ZNF678: variants seen among roughly 807,000 people sequenced by gnomAD.
The protein encoded by ZNF678 is hypothetical protein MGC42493.
Under a neutral mutation model 3.0 loss-of-function variants are expected in ZNF678, and 5 were observed. The ratio of observed to expected loss-of-function variants is 1.69; its 90% confidence interval spans 0.88 to 3.56. The LOEUF (loss-of-function observed/expected upper bound fraction) is 3.56, where lower values mean the gene tolerates loss of function less well. Ranked by LOEUF, ZNF678 falls within the 30% of genes most tolerant of loss-of-function variation. The pLI, the probability that ZNF678 is intolerant of heterozygous loss-of-function variation, is 0.00. For missense variants in ZNF678, 593 were observed against 605.0 expected, an observed-to-expected ratio of 0.98 and a Z score of 0.21; for synonymous variants, 218 against 199.6, an observed-to-expected ratio of 1.09 and a Z score of -0.78.
At chr1:227,630,896 G>C (rs1338396329) in intron 1 of ZNF678, among the ~76,000 whole-genome samples, 1 of 152,104 alleles carries the variant, frequency 6.6e-6, no homozygotes, top group East Asian at 1.9e-4. Context: ...TTAATGAAAA[G>C]AAAGTTTGAA....
chr1:227,594,515 A>G (rs1267332723), intron 1 of ZNF678, among the ~76,000 whole-genome samples: 24 of 152,244 alleles, frequency 1.6e-4, no homozygotes, highest in Admixed American at 1.6e-3. Flanking sequence ...GTGTTTACAC[A>G]CAGAATTTTC....
At chr1:227,590,023 T>C (rs1458254642) in intron 1 of ZNF678, among the ~76,000 whole-genome samples, 1 of 151,888 alleles carries the variant, frequency 6.6e-6, no homozygotes, top group Non-Finnish European at 1.5e-5. Context: ...GTAATACACT[T>C]CTGCTGAAGC....
At chr1:227,572,692 G>A (rs150770124) in intron 1 of ZNF678, among the ~76,000 whole-genome samples, 35 of 152,262 alleles carry the variant, frequency 2.3e-4, no homozygotes, top group Non-Finnish European at 4.6e-4. Flanking sequence ...GGCCTTTCCG[G>A]AGCCCCAAGT....
chr1:227,564,936 A>C (rs1253972122), intron 1 of ZNF678, among the ~76,000 whole-genome samples: 1 of 150,418 alleles, frequency 6.6e-6, no homozygotes, highest in African/African-American at 2.5e-5. Flanking sequence ...TAGTTTCACC[A>C]TGTTGGTCAG....
intron 1 of ZNF678, among the ~76,000 whole-genome samples, chr1:227,626,689 C>A (rs2132367): frequency 0.47 from 70,779 of 151,754 alleles, 17,347 homozygotes; most frequent in African/African-American, 0.62. Context: ...GCAAACCATG[C>A]GAGGTGGGTT....
chr1:227,579,243 G>A (rs1310867722), intron 1 of ZNF678, among the ~76,000 whole-genome samples: 4 of 152,108 alleles, frequency 2.6e-5, no homozygotes, highest in African/African-American at 9.7e-5. Context: ...AGTGGTGGGA[G>A]TCCCTGTTGC....
At chr1:227,667,366 C>T (rs530366562), downstream of ZNF678, among the ~76,000 whole-genome samples, 1 of 152,190 alleles carries the variant, frequency 6.6e-6, no homozygotes, top group Admixed American at 6.5e-5. Flanking sequence ...AAGGTCTACT[C>T]TATATCTCAG....
chr1:227,565,881 C>T (rs924536224), intron 1 of ZNF678, among the ~76,000 whole-genome samples: 5 of 152,196 alleles, frequency 3.3e-5, no homozygotes, highest in Non-Finnish European at 7.3e-5. Context: ...CTCAGCCTCC[C>T]GAGTAGCTGG....
intron 1 of ZNF678, among the ~76,000 whole-genome samples, chr1:227,644,443 A>C (rs1342228884): frequency 6.6e-6 from 1 of 152,214 alleles, no homozygotes; most frequent in Non-Finnish European, 1.5e-5. Context: ...TAAACTTTAA[A>C]GGGCTAGCAG....
chr1:227,622,781 C>T (rs1040563187), intron 1 of ZNF678, among the ~76,000 whole-genome samples: 1 of 152,202 alleles, frequency 6.6e-6, no homozygotes, highest in Non-Finnish European at 1.5e-5. Flanking sequence ...GTTTCCCTGG[C>T]AACCAGCCCC....
Position 227,594,845 on chromosome 1 carries a change from C to T in ZNF678, c.-164+31121C>T, listed in dbSNP as rs559629798. ...TACTCTTTTTACATAAATTCCGCCC[C>T]CCCCTTTTTTCCTTAGGTTACTTCT... On this transcript the variant is annotated intron_variant, in intron 1 of 3. Transcript: ENST00000343776. 1.3e-4 allele frequency among the ~76,000 whole-genome samples: 20 copies of T among 152,266 alleles called. No individual in the cohort carries two copies. The South Asian group carries it at 4.1e-3, about 32-fold the overall frequency.
At chr1:227,629,317 A>C (rs919110556) in intron 1 of ZNF678, among the ~76,000 whole-genome samples, 40 of 152,234 alleles carry the variant, frequency 2.6e-4, no homozygotes, top group African/African-American at 9.6e-4. Flanking sequence ...TCCTTCCTCA[A>C]GTAGGGGACA....
chr1:227,615,593 A>G (rs1658123771), intron 1 of ZNF678, among the ~76,000 whole-genome samples: 1 of 151,772 alleles, frequency 6.6e-6, no homozygotes, highest in Admixed American at 6.6e-5. Context: ...AAGTCCATTT[A>G]ACTCATTTTA....
At chr1:227,607,110 A>G (rs1296638823) in intron 1 of ZNF678, among the ~76,000 whole-genome samples, 1 of 152,210 alleles carries the variant, frequency 6.6e-6, no homozygotes, top group Non-Finnish European at 1.5e-5. Flanking sequence ...TACTCTATAC[A>G]TGATGATTTT....
In ZNF678 at chr1:227,573,117, G is replaced by A. The variant is rs180887738; in HGVS notation, c.-164+9393G>A. Among the ~76,000 whole-genome samples the A allele has an allele frequency of 4.6e-3, 699 of 151,906 alleles. 19 individuals carry two copies. In the South Asian group the frequency reaches 0.058, roughly 13 times the overall value. On this transcript the variant is annotated intron_variant, in intron 1 of 3. Transcript: ENST00000343776. ...ACTACCCAGGTGCGGTGACAAGAAG[G>A]CAATCAGGGAGTGGAAACAGTCCAA...
intron 1 of ZNF678, among the ~76,000 whole-genome samples, chr1:227,578,110 T>C (rs1657032615): frequency 6.6e-6 from 1 of 152,248 alleles, no homozygotes; most frequent in African/African-American, 2.4e-5. Flanking sequence ...GGTCCACTTT[T>C]AGTCTGATGG....
At chr1:227,639,013 C>T (rs976433125) in intron 1 of ZNF678, among the ~76,000 whole-genome samples, 3 of 152,176 alleles carry the variant, frequency 2.0e-5, no homozygotes, top group African/African-American at 4.8e-5. Flanking sequence ...CTTTCCAGGG[C>T]ACCGTCAGTC....
chr1:227,566,737 A>G (rs1656696782), intron 1 of ZNF678, among the ~76,000 whole-genome samples: 1 of 152,244 alleles, frequency 6.6e-6, no homozygotes, highest in East Asian at 1.9e-4. Context: ...GAAAATATTT[A>G]CAAAGGGTAT....
At chr1:227,627,432 G>A (rs188274686) in intron 1 of ZNF678, among the ~76,000 whole-genome samples, 47 of 152,078 alleles carry the variant, frequency 3.1e-4, no homozygotes, top group East Asian at 7.8e-4. Context: ...GGAGGGTCCC[G>A]CCTTGCAGCT....
Sources: gnomAD v4.1 joint callset for allele counts (sites outside exome capture counted in the v4.1 genomes callset) on GRCh38, gnomAD v4.1.1 for gene constraint, MANE v1.5 for transcripts, NCBI Gene and HGNC (gene_info 2026-07-23, HGNC 2026-07-21) for gene names.